TERF1: variants seen among roughly 807,000 people sequenced by gnomAD.
TERF1 encodes the protein telomeric repeat-binding factor 1.
A neutral mutation model predicts 55.1 loss-of-function variants in TERF1; 20 were observed. The ratio of observed to expected loss-of-function variants is 0.36; its 90% CI spans 0.26 to 0.53. The LOEUF is 0.53. Ranked by LOEUF, TERF1 falls within the 20% of genes least tolerant of loss-of-function variation. The pLI is 0.91. For missense variants in TERF1, 439 were observed against 535.7 expected (o/e 0.82, Z 1.78); for synonymous variants, 168 against 181.2 (o/e 0.93, Z 0.59).
intron 2 of TERF1, among the ~76,000 whole-genome samples, chr8:73,014,817 T>C (rs994236216): frequency 2.0e-5 from 3 of 152,134 alleles, no homozygotes; most frequent in Non-Finnish European, 4.4e-5. Flanking sequence ...GTCTGCTTTG[T>C]TTGGGGGGTG....
intron 6 of TERF1, among the ~76,000 whole-genome samples, chr8:73,029,309 T>C (rs1445393559): frequency 1.3e-5 from 2 of 152,212 alleles, no homozygotes; most frequent in African/African-American, 4.8e-5. Context: ...CCAAAATCCA[T>C]GGATGCTCAA....
chr8:73,009,257 T>C (rs766315992), intron 1 of TERF1, 52 bp downstream of exon 1: 9 of 1,560,102 alleles, frequency 5.8e-6, no homozygotes, highest in Middle Eastern at 2.0e-4. Flanking sequence ...GGATGCGGGC[T>C]CCGTGGTGCG....
chr8:73,030,264 T>C (rs1586051267), intron 6 of TERF1, 72 bp from the exon 7 acceptor site: 1 of 934,524 alleles, frequency 1.1e-6, no homozygotes, highest in Non-Finnish European at 1.6e-6. Flanking sequence ...ATGCCTTGAC[T>C]ATGTGGAAAG....
At chr8:73,037,871 A>AAT (rs1326872149) in intron 8 of TERF1, among the ~76,000 whole-genome samples, 5 of 114,848 alleles carry the variant, frequency 4.4e-5, no homozygotes, top group Non-Finnish European at 6.7e-5. Flanking sequence ...TATGATATAT[A>AAT]ATATATATAA....
At chr8:73,028,175 C>T (rs1261965458) in intron 6 of TERF1, among the ~76,000 whole-genome samples, 2 of 152,150 alleles carry the variant, frequency 1.3e-5, no homozygotes, top group Non-Finnish European at 2.9e-5. Context: ...ATGGTTCTTA[C>T]AGATAATCAT....
chr8:73,033,944 C>CT (rs1481241399), intron 8 of TERF1, among the ~76,000 whole-genome samples: 2 of 151,870 alleles, frequency 1.3e-5, no homozygotes, highest in African/African-American at 4.8e-5. Flanking sequence ...ACCTTTTTTT[C>CT]TCTTCTTTTT....
rs1416447204 is a variant in TERF1 at position 73,019,917 on chromosome 8, CTTACTACTCTGAAACTATATTGT to C, written c.416-750_416-728del. On this transcript the variant is annotated intron_variant, in intron 2 of 9. Coordinates refer to ENST00000276603, the MANE Select transcript of TERF1 (RefSeq NM_017489.3). ...AGAACCTTTTTTCTTTCTTCTAGCC[CTTACTACTCTGAAACTATATTGT>C]TTACTACTCTGAAACTGTATTGTTT... 2.8e-3 allele frequency among the ~76,000 whole-genome samples: 432 copies of C among 152,208 alleles called. 3 individuals carry two copies. The highest frequency in any genetic ancestry group is 9.5e-3 in the African/African-American group (395 of 41,524).
intron 2 of TERF1, 43 bp from the exon 3 acceptor site, chr8:73,020,641 A>C (rs1284211571): frequency 6.4e-7 from 1 of 1,553,736 alleles, no homozygotes; most frequent in Non-Finnish European, 8.7e-7. Context: ...ACAAAGTTCT[A>C]CTTAGCTTTC....
rs1368290682 is a variant in TERF1 at position 73,046,342 on chromosome 8, A to G, written c.*205A>G. The G allele has an allele frequency of 1.1e-5, 4 of 362,148 alleles. No individual in the cohort carries two copies. Among genetic ancestry groups the G allele is most frequent in the African/African-American group, 8.5e-5 (4 of 47,308 alleles). The allele number at this position is 362,148 out of a possible 1,614,324, so 22.4% of individuals were successfully genotyped here. A position where few individuals can be genotyped will look rare whatever the true frequency, so the allele number is the denominator to read the frequency against. On this transcript the variant is annotated 3_prime_UTR_variant, in exon 10 of 10. Transcript: ENST00000276603. ...TCTTTAAGAACCTTATTTTGATAAA[A>G]TGTAAATTTGTTGAACCCTGCCACA... is the stretch of plus-strand genomic sequence containing the variant.
intron 8 of TERF1, among the ~76,000 whole-genome samples, chr8:73,032,947 C>T (rs1415787241): frequency 6.6e-6 from 1 of 151,386 alleles, no homozygotes; most frequent in Non-Finnish European, 1.5e-5. Context: ...TATACATGTG[C>T]CATGTTGGTG....
chr8:73,037,199 A>T, intron 8 of TERF1, among the ~76,000 whole-genome samples: 1 of 135,878 alleles, frequency 7.4e-6, no homozygotes, highest in East Asian at 2.0e-4. Context: ...TATATATTAT[A>T]TAATATAATT....
rs568874425 is a variant in TERF1, at chr8:73,045,829, A to C, written c.1144-132A>C. ...ATGTAAAATCTTTTAAAAATCTAAG[A>C]AATGTTTAGAGAAGTCTTCCGTCTT... On this transcript the variant is annotated intron_variant, in intron 9 of 9. Coordinates refer to ENST00000276603, the MANE Select transcript of TERF1 (RefSeq NM_017489.3). 13 of 640,908 alleles carry C rather than the reference A, an allele frequency of 2.0e-5. 1 individual carries two copies. In the South Asian group the frequency reaches 5.1e-4, roughly 25 times the overall value. The allele number at this position is 640,908 out of a possible 1,614,324, so 39.7% of individuals were successfully genotyped here.
chr8:73,014,485 GCT>G (rs1808412266), intron 2 of TERF1, among the ~76,000 whole-genome samples: 2 of 152,000 alleles, frequency 1.3e-5, no homozygotes, highest in African/African-American at 2.4e-5. Context: ...TGATGCCAGC[GCT>G]TACGTAAGAA....
intron 1 of TERF1, chr8:73,009,483 C>T: frequency 2.3e-6 from 1 of 436,278 alleles, no homozygotes; most frequent in Non-Finnish European, 4.1e-6. Context: ...TATACAGTTC[C>T]ACTCAACCCA....
At chr8:73,016,495 C>T (rs188261212) in intron 2 of TERF1, among the ~76,000 whole-genome samples, 20 of 150,422 alleles carry the variant, frequency 1.3e-4, no homozygotes, top group Admixed American at 4.0e-4. Flanking sequence ...TGCAGTGGTG[C>T]CATCATAGTT....
At chr8:73,028,068 T>C (rs1046712917) in intron 6 of TERF1, among the ~76,000 whole-genome samples, 2 of 152,222 alleles carry the variant, frequency 1.3e-5, no homozygotes, top group Non-Finnish European at 2.9e-5. Flanking sequence ...TTGGCCCAAT[T>C]ACTTCCTTTT....
chr8:73,010,457 A>G (rs1241415211), intron 1 of TERF1: 1 of 152,238 alleles, frequency 6.6e-6, no homozygotes, highest in Non-Finnish European at 1.5e-5. Flanking sequence ...TCATGTAGGT[A>G]TAGATGACTT....
chr8:73,035,676 T>G (rs949387866), intron 8 of TERF1, among the ~76,000 whole-genome samples: 1 of 152,218 alleles, frequency 6.6e-6, no homozygotes, highest in African/African-American at 2.4e-5. Context: ...TATGTGATTA[T>G]TTGCTTTTTG....
At chr8:73,012,746 A>C (rs1053781319) in intron 1 of TERF1, 1 of 270,294 alleles carries the variant, frequency 3.7e-6, no homozygotes, top group Non-Finnish European at 7.6e-6. Context: ...AAAAACATGC[A>C]ATCTGCAAAG....
Sources: gnomAD v4.1 joint callset for allele counts (sites outside exome capture counted in the v4.1 genomes callset) on GRCh38, gnomAD v4.1.1 for gene constraint, MANE v1.5 for transcripts, NCBI Gene and HGNC (gene_info 2026-07-23, HGNC 2026-07-21) for gene names.